The following YAF2 variants were observed in gnomAD, a reference collection of about 807,000 sequenced individuals.
YAF2 encodes YY1-associated factor 2.
YAF2 carries 7 observed loss-of-function variants against 20.1 expected under a neutral mutation model. The ratio of observed to expected loss-of-function variants is 0.35; its 90% CI spans 0.20 to 0.65. The LOEUF (loss-of-function observed/expected upper bound fraction) is 0.65, where lower values mean the gene tolerates loss of function less well. YAF2 is among the 30% of genes least tolerant of loss of function. The pLI, the probability that YAF2 is intolerant of heterozygous loss-of-function variation, is 0.69. For synonymous variants in YAF2, 74 were observed against 76.0 expected (o/e 0.97, Z 0.14); for missense variants, 151 against 219.2 (o/e 0.69, Z 1.96).
At chr12:42,200,810 T>C (rs896252948) in intron 2 of YAF2, among the ~76,000 whole-genome samples, 4 of 152,208 alleles carry the variant, frequency 2.6e-5, no homozygotes, top group African/African-American at 9.6e-5. Flanking sequence ...CATGGTATAG[T>C]GGACTCTGAA....
At chr12:42,179,481 T>C (rs1206642034) in intron 2 of YAF2, among the ~76,000 whole-genome samples, 2 of 152,054 alleles carry the variant, frequency 1.3e-5, no homozygotes, top group African/African-American at 4.8e-5. Flanking sequence ...ATAATAACAA[T>C]GTGCAATGAG....
chr12:42,175,848 G>A (rs1270581146), intron 2 of YAF2, among the ~76,000 whole-genome samples: 3 of 150,182 alleles, frequency 2.0e-5, no homozygotes, highest in Non-Finnish European at 4.4e-5. Context: ...AAGCTGATGT[G>A]TATTCAAGGT....
chr12:42,212,482 A>C (rs886224210), intron 2 of YAF2: 19 of 446,594 alleles, frequency 4.3e-5, no homozygotes, highest in Admixed American at 7.5e-5. Flanking sequence ...ATGATTCTTC[A>C]TTCTATGGAA....
intron 1 of YAF2, 43 bp from the exon 2 acceptor site, chr12:42,237,767 G>T: frequency 7.2e-7 from 1 of 1,387,784 alleles, no homozygotes; most frequent in Non-Finnish European, 9.4e-7. Flanking sequence ...GGGGTCACCA[G>T]CAGGCCGCGC....
At chr12:42,177,293 C>G (rs766668547) in intron 2 of YAF2, among the ~76,000 whole-genome samples, 10 of 152,144 alleles carry the variant, frequency 6.6e-5, no homozygotes, top group Non-Finnish European at 1.5e-4. Flanking sequence ...ATACCATAGA[C>G]TGGGTAGCTT....
intron 2 of YAF2, chr12:42,234,239 A>C (rs1006462104): frequency 8.1e-6 from 8 of 986,070 alleles, no homozygotes; most frequent in Non-Finnish European, 9.6e-6. Context: ...GAAAGAAAAG[A>C]AACTTCAGAT....
intron 2 of YAF2, among the ~76,000 whole-genome samples, chr12:42,193,281 C>A (rs2066663078): frequency 6.6e-6 from 1 of 150,828 alleles, no homozygotes; most frequent in African/African-American, 2.4e-5. Context: ...CGCTGCTGCA[C>A]CCCAGCCTGG....
intron 2 of YAF2, among the ~76,000 whole-genome samples, chr12:42,174,598 C>T (rs989811229): frequency 2.6e-5 from 4 of 152,156 alleles, no homozygotes; most frequent in African/African-American, 9.7e-5. Context: ...AGAGTAGCAA[C>T]ACCAGGTACC....
intron 2 of YAF2, among the ~76,000 whole-genome samples, chr12:42,212,878 T>C (rs1384279073): frequency 6.6e-6 from 1 of 152,236 alleles, no homozygotes; most frequent in Non-Finnish European, 1.5e-5. Flanking sequence ...CCTCCATTTC[T>C]AATTGGAATA....
intron 2 of YAF2, among the ~76,000 whole-genome samples, chr12:42,197,645 T>C (rs1380684519): frequency 6.6e-6 from 1 of 152,182 alleles, no homozygotes; most frequent in Non-Finnish European, 1.5e-5. Flanking sequence ...TGAGAAAAAC[T>C]AGACACTCAG....
intron 2 of YAF2, among the ~76,000 whole-genome samples, chr12:42,163,741 A>T (rs909869849): frequency 6.6e-6 from 1 of 152,218 alleles, no homozygotes; most frequent in African/African-American, 2.4e-5. Context: ...TAGTTCAATT[A>T]TTCAAATAAA....
intron 2 of YAF2, chr12:42,210,524 A>ACATG: frequency 6.5e-7 from 1 of 1,536,016 alleles, no homozygotes; most frequent in Non-Finnish European, 8.7e-7. Flanking sequence ...GATGCTAGAG[A>ACATG]CATGCTTCAG....
At chr12:42,237,383 G>T in intron 2 of YAF2, 1 of 1,253,698 alleles carries the variant, frequency 8.0e-7, no homozygotes, top group Non-Finnish European at 1.0e-6. Flanking sequence ...ATTCTCTCTT[G>T]GCAGCAAAAA....
intron 2 of YAF2, among the ~76,000 whole-genome samples, chr12:42,196,850 G>A (rs953775200): frequency 1.3e-5 from 2 of 152,128 alleles, no homozygotes; most frequent in African/African-American, 4.8e-5. Context: ...TGAGCAAACC[G>A]ATACCACCAG....
chr12:42,191,312 T>C (rs1412457952), intron 2 of YAF2, among the ~76,000 whole-genome samples: 2 of 152,198 alleles, frequency 1.3e-5, no homozygotes, highest in South Asian at 4.1e-4. Flanking sequence ...TCAGTGTCTC[T>C]TTTTCTCACC....
chr12:42,166,309 C>CA (rs2065916124), intron 2 of YAF2, among the ~76,000 whole-genome samples: 1 of 152,192 alleles, frequency 6.6e-6, no homozygotes, highest in African/African-American at 2.4e-5. Flanking sequence ...CTTGACAACT[C>CA]ATAATTTCTT....
At chr12:42,218,184 A>AG (rs374906012) in intron 2 of YAF2, among the ~76,000 whole-genome samples, 18,630 of 114,486 alleles carry the variant, frequency 0.16, 1,182 homozygotes, top group Admixed American at 0.18. Context: ...GGCTACTAGG[A>AG]AACACACACA....
At chr12:42,232,458 T>C (rs906247247) in intron 2 of YAF2, 4 of 985,216 alleles carry the variant, frequency 4.1e-6, no homozygotes, top group Non-Finnish European at 4.8e-6. Flanking sequence ...ACTTGTAAAA[T>C]TTACCCATAT....
intron 2 of YAF2, among the ~76,000 whole-genome samples, chr12:42,217,907 T>C (rs2067402808): frequency 6.6e-6 from 1 of 151,998 alleles, no homozygotes; most frequent in African/African-American, 2.4e-5. Context: ...CATGAAATTG[T>C]GGAGGATGGG....
Sources: allele counts gnomAD v4.1 joint callset (sites outside exome capture counted in the v4.1 genomes callset), GRCh38; gene constraint gnomAD v4.1.1; transcripts MANE v1.5; gene names NCBI Gene and HGNC (gene_info 2026-07-23, HGNC 2026-07-21).